Variants in CLCN4 observed in about 807,000 individuals in gnomAD.
CLCN4 encodes H(+)/Cl(-) exchange transporter 4.
A neutral mutation model predicts 41.7 loss-of-function variants in CLCN4; 1 was observed. The observed-to-expected ratio is 0.02, with a 90% CI of 0.01 to 0.11. The LOEUF (loss-of-function observed/expected upper bound fraction) is 0.11. Among genes scored for constraint, CLCN4 ranks in the 10% least tolerant of loss-of-function variants. The probability of loss-of-function intolerance (pLI) is 1.00; values close to 1 mark genes in which losing one functional copy is unlikely to be tolerated. For missense variants in CLCN4, 287 were observed against 661.0 expected, an observed-to-expected ratio of 0.43 and a Z score of 6.20; for synonymous variants, 277 against 285.8, an observed-to-expected ratio of 0.97 and a Z score of 0.31.
chrX:10,219,444 C>T (rs771442647), intron 11 of CLCN4, among the ~76,000 whole-genome samples: 2 of 112,097 alleles, frequency 1.8e-5, no homozygotes, highest in South Asian at 3.7e-4. Context: ...CATTTGAAAA[C>T]GCGTTGTGCC....
In CLCN4 at chrX:10,179,565, G is replaced by A. The variant is rs757869781; in HGVS notation, c.-11-5457G>A. On this transcript the variant is annotated intron_variant, in intron 2 of 12. Coordinates refer to ENST00000380833, the MANE Select transcript of CLCN4 (RefSeq NM_001830.4). Reference sequence around the variant, plus strand: ...CTTGGTAAGTGGAATCCCCCAGAAGGTCCCCCAGAAGCTCAGTTGGACCAC... The same window carrying A: ...CTTGGTAAGTGGAATCCCCCAGAAGATCCCCCAGAAGCTCAGTTGGACCAC... 2.8e-4 allele frequency among the ~76,000 whole-genome samples: 31 copies of A among 111,070 alleles called. No individual in the cohort carries two copies. The East Asian group carries it at 8.2e-3, about 29-fold the overall frequency.
In CLCN4 at chrX:10,230,960, G is replaced by C. The variant is rs774526715; in HGVS notation, c.2193-2534G>C. On this transcript the variant is annotated intron_variant, in intron 12 of 12. Coordinates refer to ENST00000380833, the MANE Select transcript of CLCN4 (RefSeq NM_001830.4). Reference sequence around the variant, plus strand: ...CACCATTACAGGATGATACAGAGTAGTTTCACTGCCCTAAAAATCCCCTGT... The same window carrying C: ...CACCATTACAGGATGATACAGAGTACTTTCACTGCCCTAAAAATCCCCTGT... Among the ~76,000 whole-genome samples, 3 of 111,714 alleles carry C rather than the reference G, an allele frequency of 2.7e-5. No homozygotes were observed. The East Asian group carries it at 8.4e-4, about 31-fold the overall frequency.
chrX:10,197,840 C>A, intron 5 of CLCN4, 99 bp from the exon 6 acceptor site: 1 of 1,086,196 alleles, frequency 9.2e-7, no homozygotes, highest in Non-Finnish European at 1.3e-6. Flanking sequence ...CCAATCCCGT[C>A]AAAGCTTTTG....
intron 2 of CLCN4, among the ~76,000 whole-genome samples, chrX:10,171,637 A>G (rs1923388058): frequency 8.9e-6 from 1 of 112,026 alleles, no homozygotes. Flanking sequence ...GTGATTTCCT[A>G]GGAGGGCTCA....
rs529624664 is a variant in CLCN4 at position 10,189,657 on chromosome X, C to A, written c.244+2043C>A. On this transcript the variant is annotated intron_variant, in intron 4 of 12. Coordinates refer to ENST00000380833, the MANE Select transcript of CLCN4 (RefSeq NM_001830.4). ...GCCACGTCCCACTCACTTCCCCCTT[C>A]CTCGCTGGACTAACAGTGGAGAGGA... Among the ~76,000 whole-genome samples the A allele has an allele frequency of 5.3e-5, 6 of 112,579 alleles. No individual in the cohort carries two copies. In the South Asian group the frequency reaches 2.2e-3, roughly 41 times the overall value.
At chrX:10,187,645 G>A in intron 4 of CLCN4, 31 bp downstream of exon 4, 1 of 1,098,326 alleles carries the variant, frequency 9.1e-7, no homozygotes, top group South Asian at 1.8e-5. Context: ...CACTCCCGTG[G>A]GAAGCTGCAG....
chrX:10,202,746 C>T (rs1157369607), intron 6 of CLCN4, among the ~76,000 whole-genome samples: 2 of 108,383 alleles, frequency 1.8e-5, no homozygotes, highest in Non-Finnish European at 3.8e-5. Flanking sequence ...CTACTTGCTT[C>T]CTTTTGTCAG....
intron 3 of CLCN4, among the ~76,000 whole-genome samples, chrX:10,185,986 A>G (rs191393590): frequency 9.0e-6 from 1 of 111,361 alleles, no homozygotes; most frequent in Non-Finnish European, 1.9e-5. Context: ...GTAGGTGGAG[A>G]GAGGGGATCA....
At chrX:10,190,678 T>G (rs1923937245) in intron 4 of CLCN4, among the ~76,000 whole-genome samples, 1 of 111,946 alleles carries the variant, frequency 8.9e-6, no homozygotes, top group African/African-American at 3.3e-5. Flanking sequence ...TTTCACTGGG[T>G]TTCAGTTTCC....
At chrX:10,160,428 T>C (rs757967057) in intron 2 of CLCN4, among the ~76,000 whole-genome samples, 9 of 110,569 alleles carry the variant, frequency 8.1e-5, no homozygotes, top group Non-Finnish European at 1.7e-4. Flanking sequence ...AGGAGAGTGT[T>C]AGGGAAAGAG....
At chrX:10,178,827 AAACAAAAAAC>A (rs922864763) in intron 2 of CLCN4, among the ~76,000 whole-genome samples, 10 of 112,037 alleles carry the variant, frequency 8.9e-5, no homozygotes, top group African/African-American at 2.9e-4. Context: ...GTAAAAAAAC[AAACAAAAAAC>A]AACAAAAACA....
intron 3 of CLCN4, among the ~76,000 whole-genome samples, chrX:10,185,623 G>T (rs749287600): frequency 2.0e-4 from 22 of 111,985 alleles, no homozygotes; most frequent in African/African-American, 6.8e-4. Flanking sequence ...TTTCAGCAAG[G>T]GTAACATTTC....
chrX:10,181,136 T>C (rs1202067166), intron 2 of CLCN4, among the ~76,000 whole-genome samples: 1 of 110,444 alleles, frequency 9.1e-6, no homozygotes, highest in Non-Finnish European at 1.9e-5. Context: ...GGTAGGAGGA[T>C]TGTTTGAGCC....
intron 11 of CLCN4, among the ~76,000 whole-genome samples, chrX:10,216,897 G>GTGTATATATATATATATATATA (rs1411470927): frequency 1.9e-4 from 4 of 20,829 alleles, no homozygotes; most frequent in Non-Finnish European, 3.7e-4. Context: ...GTGTGTGTGT[G>GTGTATATATATATATATATATA]TATATATATA....
At chrX:10,192,286 AAGAG>A (rs200645637) in intron 4 of CLCN4, among the ~76,000 whole-genome samples, 2,211 of 109,915 alleles carry the variant, frequency 0.02, 62 homozygotes, top group African/African-American at 0.07. Flanking sequence ...GAAAAAGAGA[AAGAG>A]AGCTAATTGT....
At chrX:10,203,727 G>A (rs1205417409) in intron 6 of CLCN4, among the ~76,000 whole-genome samples, 1 of 111,538 alleles carries the variant, frequency 9.0e-6, no homozygotes, top group Non-Finnish European at 1.9e-5. Flanking sequence ...ATGCACCTCA[G>A]ACCAATTATA....
At chrX:10,202,638 CAAAAAAAAAAA>C (rs759089094) in intron 6 of CLCN4, among the ~76,000 whole-genome samples, 8 of 19,639 alleles carry the variant, frequency 4.1e-4, no homozygotes, top group Admixed American at 1.0e-3. Context: ...GACCCTGCCT[CAAAAAAAAAAA>C]AAAAAAAAAA....
chrX:10,174,213 C>G (rs1452771893), intron 2 of CLCN4, among the ~76,000 whole-genome samples: 1 of 112,202 alleles, frequency 8.9e-6, no homozygotes, highest in African/African-American at 3.2e-5. Context: ...CTTTCTCCCC[C>G]TCGTCCATGT....
chrX:10,207,362 G>T (rs753503427), intron 8 of CLCN4, among the ~76,000 whole-genome samples: 1 of 112,333 alleles, frequency 8.9e-6, no homozygotes, highest in African/African-American at 3.2e-5. Flanking sequence ...TTATTCCAGG[G>T]GTTGGCAAAC....
Sources: allele counts gnomAD v4.1 joint callset (sites outside exome capture counted in the v4.1 genomes callset), GRCh38; gene constraint gnomAD v4.1.1; transcripts MANE v1.5; gene names NCBI Gene and HGNC (gene_info 2026-07-23, HGNC 2026-07-21).